Variants in BACH2 observed in about 807,000 individuals in gnomAD.
BACH2 encodes the protein BACH transcriptional regulator 2, also known as transcription regulator protein BACH2.
A neutral mutation model predicts 61.8 loss-of-function variants in BACH2; 5 were observed. That is an observed-to-expected ratio of 0.08 (90% CI 0.04 to 0.17). The LOEUF is 0.17. Among genes scored for constraint, BACH2 ranks in the 10% least tolerant of loss-of-function variants. The pLI is 1.00. For synonymous variants in BACH2, 446 were observed against 440.1 expected, an observed-to-expected ratio of 1.01 and a Z score of -0.17; for missense variants, 824 against 1,091.1, an observed-to-expected ratio of 0.76 and a Z score of 3.45.
chr6:90,182,558 G>T (rs911629443), intron 4 of BACH2, among the ~76,000 whole-genome samples: 4 of 152,120 alleles, frequency 2.6e-5, no homozygotes, highest in African/African-American at 9.7e-5. Context: ...TCATGAGTAT[G>T]GTCTCACTCT....
Position 89,951,923 on chromosome 6 carries a change from C to T in BACH2, c.244-61G>A, listed in dbSNP as rs989867233. 3 of 1,557,186 alleles carry T rather than the reference C, an allele frequency of 1.9e-6. No homozygotes were observed. Among genetic ancestry groups the T allele is most frequent in the Non-Finnish European group, 2.6e-6 (3 of 1,145,340 alleles). On this transcript the variant is annotated intron_variant, in intron 6 of 8. Transcript: ENST00000257749. The surrounding 1 kb of genome is among the most constrained non-coding windows in gnomAD (Gnocchi z 6.4). Reference sequence around the variant, plus strand: ...TCAGCACTGCTATTGTCCCGAATCCCTCAACTGAAGCAAGATAACCAGACA... The same window carrying T: ...TCAGCACTGCTATTGTCCCGAATCCTTCAACTGAAGCAAGATAACCAGACA...
chr6:90,059,605 C>A (rs1780570455), intron 5 of BACH2, among the ~76,000 whole-genome samples: 1 of 152,116 alleles, frequency 6.6e-6, no homozygotes, highest in African/African-American at 2.4e-5. Flanking sequence ...TACCATTTGA[C>A]CCAGCCATCC....
chr6:89,991,258 T>C (rs1029962350), intron 6 of BACH2, among the ~76,000 whole-genome samples: 4 of 152,134 alleles, frequency 2.6e-5, no homozygotes, highest in Non-Finnish European at 4.4e-5. Flanking sequence ...CAAAATCCAT[T>C]ATTTATTTTC....
At chr6:89,974,382 G>A (rs1024092296) in intron 6 of BACH2, among the ~76,000 whole-genome samples, 3 of 152,164 alleles carry the variant, frequency 2.0e-5, no homozygotes, top group African/African-American at 7.2e-5. Flanking sequence ...TGGATGCTCA[G>A]TAAAGGTTAT....
chr6:90,289,267 A>G (rs1263802172), intron 1 of BACH2, among the ~76,000 whole-genome samples: 1 of 152,192 alleles, frequency 6.6e-6, no homozygotes. Context: ...GAACAGGCCC[A>G]AGCATCAGAC....
intron 4 of BACH2, among the ~76,000 whole-genome samples, chr6:90,129,137 G>C (rs1171315395): frequency 6.6e-6 from 1 of 152,096 alleles, no homozygotes; most frequent in African/African-American, 2.4e-5. Flanking sequence ...GTTAATGGGT[G>C]CAGCACACCA....
intron 8 of BACH2, among the ~76,000 whole-genome samples, chr6:89,934,024 A>T (rs1772852987): frequency 6.6e-6 from 1 of 152,120 alleles, no homozygotes; most frequent in Non-Finnish European, 1.5e-5. Flanking sequence ...AAGACAAAAA[A>T]AAAGTCATCA....
intron 5 of BACH2, among the ~76,000 whole-genome samples, chr6:90,059,546 C>T (rs948026650): frequency 8.5e-5 from 13 of 152,142 alleles, no homozygotes; most frequent in Non-Finnish European, 1.0e-4. Flanking sequence ...ACTAGTTCAA[C>T]CATTGTGGAA....
intron 2 of BACH2, among the ~76,000 whole-genome samples, chr6:90,263,607 A>G (rs775519204): frequency 6.6e-6 from 1 of 152,202 alleles, no homozygotes; most frequent in African/African-American, 2.4e-5. Context: ...TTCAGCCTTT[A>G]TAAGAGTAGC....
At chr6:90,013,493 CCTTT>C (rs899924855) in intron 5 of BACH2, among the ~76,000 whole-genome samples, 2 of 146,554 alleles carry the variant, frequency 1.4e-5, no homozygotes, top group African/African-American at 2.6e-5. Flanking sequence ...CCTTGTTTTC[CCTTT>C]CTTTTTCTTT....
At chr6:90,209,197 TATA>T (rs1363804875) in intron 3 of BACH2, among the ~76,000 whole-genome samples, 2 of 152,064 alleles carry the variant, frequency 1.3e-5, no homozygotes, top group Admixed American at 6.6e-5. Flanking sequence ...GAACTTAAAG[TATA>T]ATAAAAAAGA....
At chr6:90,079,628 A>G (rs1178521985) in intron 5 of BACH2, among the ~76,000 whole-genome samples, 3 of 152,160 alleles carry the variant, frequency 2.0e-5, no homozygotes, top group African/African-American at 7.2e-5. Flanking sequence ...CCAATATACC[A>G]CTTACCAGAC....
At chr6:89,946,938 G>C (rs1053383013) in intron 7 of BACH2, among the ~76,000 whole-genome samples, 1 of 152,184 alleles carries the variant, frequency 6.6e-6, no homozygotes, top group Non-Finnish European at 1.5e-5. Context: ...AGAAGCCAAC[G>C]ACTGTGAGAT....
At chr6:90,135,960 T>A (rs1401686080) in intron 4 of BACH2, among the ~76,000 whole-genome samples, 2 of 152,182 alleles carry the variant, frequency 1.3e-5, no homozygotes, top group African/African-American at 2.4e-5. Flanking sequence ...CACGGCCAGC[T>A]CATCATCCCT....
intron 4 of BACH2, among the ~76,000 whole-genome samples, chr6:90,168,470 G>T: frequency 6.6e-6 from 1 of 152,164 alleles, no homozygotes; most frequent in East Asian, 1.9e-4. Context: ...GACATGCAAA[G>T]ATTTCCACAA....
At chr6:90,240,656 T>C (rs905289187) in intron 3 of BACH2, among the ~76,000 whole-genome samples, 3 of 152,170 alleles carry the variant, frequency 2.0e-5, no homozygotes, top group African/African-American at 2.4e-5. Context: ...AAATGGACTT[T>C]AAAAATGATG....
At chr6:89,935,360 G>C (rs916833215) in intron 8 of BACH2, among the ~76,000 whole-genome samples, 21 of 152,170 alleles carry the variant, frequency 1.4e-4, no homozygotes, top group Non-Finnish European at 2.9e-5. Context: ...ATACTGCTTG[G>C]GCGCTGGGAG....
chr6:90,000,986 T>C (rs1777105688), intron 6 of BACH2, among the ~76,000 whole-genome samples: 1 of 152,192 alleles, frequency 6.6e-6, no homozygotes, highest in Admixed American at 6.5e-5. Flanking sequence ...ATTTTTTCTC[T>C]CTTCCTCCAA....
At chr6:90,295,253 G>C (rs990161182) in intron 1 of BACH2, among the ~76,000 whole-genome samples, 4 of 152,138 alleles carry the variant, frequency 2.6e-5, no homozygotes, top group African/African-American at 9.7e-5. Context: ...GGCAGCGGCC[G>C]CGCCGGAACT....
Sources: gnomAD v4.1 joint callset for allele counts (sites outside exome capture counted in the v4.1 genomes callset) on GRCh38, gnomAD v4.1.1 for gene constraint, Gnocchi (gnomAD v3.1) non-coding constraint, MANE v1.5 for transcripts, NCBI Gene and HGNC (gene_info 2026-07-23, HGNC 2026-07-21) for gene names.